Variants in POPDC3 observed in about 807,000 individuals in gnomAD.
POPDC3 encodes the protein popeye domain-containing protein 3.
Under a neutral mutation model 28.2 loss-of-function variants are expected in POPDC3, and 20 were observed. The ratio of observed to expected loss-of-function variants is 0.71; its 90% CI spans 0.50 to 1.03. POPDC3 has a LOEUF of 1.03. Ranked by LOEUF, POPDC3 falls within the 50% of genes least tolerant of loss-of-function variation. POPDC3 has a pLI of 0.00. For missense variants in POPDC3, 316 were observed against 345.9 expected, an observed-to-expected ratio of 0.91 and a Z score of 0.69; for synonymous variants, 118 against 124.1, an observed-to-expected ratio of 0.95 and a Z score of 0.33.
intron 1 of POPDC3, chr6:105,178,752 C>A: frequency 1.0e-6 from 1 of 985,002 alleles, no homozygotes; most frequent in Non-Finnish European, 1.2e-6. Context: ...TCTATTGTCA[C>A]AAAGAACAAT....
At chr6:105,166,000 C>G (rs1293879474) in intron 1 of POPDC3, among the ~76,000 whole-genome samples, 3 of 152,148 alleles carry the variant, frequency 2.0e-5, no homozygotes, top group African/African-American at 7.2e-5. Flanking sequence ...ACTATTATCT[C>G]CATTTTACAC....
chr6:105,158,938 T>C (rs1774259241), intron 3 of POPDC3, 187 bp from the exon 4 acceptor site: 1 of 457,630 alleles, frequency 2.2e-6, no homozygotes, highest in Non-Finnish European at 3.8e-6. Context: ...TAATTTATAA[T>C]ATGAATAATC....
At chr6:105,162,397 T>C (rs1774355566) in intron 1 of POPDC3, among the ~76,000 whole-genome samples, 2 of 152,214 alleles carry the variant, frequency 1.3e-5, no homozygotes, top group Non-Finnish European at 2.9e-5. Flanking sequence ...CTCGTCTCTA[T>C]GGGAGTGATT....
At chr6:105,158,914 C>T in intron 3 of POPDC3, 163 bp from the exon 4 acceptor site, 2 of 542,060 alleles carry the variant, frequency 3.7e-6, no homozygotes, top group Non-Finnish European at 3.2e-6. Context: ...CTACAAAATT[C>T]GTTACTACAT....
intron 1 of POPDC3, among the ~76,000 whole-genome samples, chr6:105,175,853 TAAAGAAAG>T (rs149915175): frequency 1.3e-5 from 2 of 151,452 alleles, no homozygotes; most frequent in African/African-American, 4.9e-5. Flanking sequence ...AAAAAATAAA[TAAAGAAAG>T]AAAGAATAAA....
At chr6:105,167,316 G>A (rs1774477745) in intron 1 of POPDC3, among the ~76,000 whole-genome samples, 1 of 152,168 alleles carries the variant, frequency 6.6e-6, no homozygotes, top group Admixed American at 6.5e-5. Context: ...AGGATAAGGG[G>A]TAGGATAAAG....
rs200302428 is a variant in POPDC3 at position 105,177,059 on chromosome 6, TA to T, written c.-252+2773del. 298 of 353,752 alleles carry T rather than the reference TA, an allele frequency of 8.4e-4. 1 individual carries two copies. Among genetic ancestry groups the T allele is most frequent in the East Asian group, 6.6e-4 (4 of 6,084 alleles). The allele number at this position is 353,752 out of a possible 1,614,324, so 21.9% of individuals were successfully genotyped here. On this transcript the variant is annotated intron_variant, in intron 1 of 3. Transcript: ENST00000254765. ...TAAAAAAATTTTAAATATAAACATTTAAAAAAATCCATGAACCCAACAACCA... is the reference window on the plus strand; with the variant it reads ...TAAAAAAATTTTAAATATAAACATTTAAAAAATCCATGAACCCAACAACCA...
At chr6:105,170,563 T>C (rs967342429) in intron 1 of POPDC3, among the ~76,000 whole-genome samples, 3 of 152,214 alleles carry the variant, frequency 2.0e-5, no homozygotes, top group Non-Finnish European at 2.9e-5. Flanking sequence ...ATTAGGACTC[T>C]TTTAGTAGAG....
intron 2 of POPDC3, among the ~76,000 whole-genome samples, chr6:105,160,310 C>T (rs976412642): frequency 1.3e-5 from 2 of 152,188 alleles, no homozygotes; most frequent in African/African-American, 2.4e-5. Context: ...CTCCCAGGTT[C>T]AAGCGATTCT....
chr6:105,179,533 G>A (rs928164118), intron 1 of POPDC3, among the ~76,000 whole-genome samples: 5 of 152,176 alleles, frequency 3.3e-5, no homozygotes, highest in African/African-American at 9.7e-5. Flanking sequence ...TAGGGCATAC[G>A]ACTCGCGTTC....
chr6:105,169,361 G>A (rs1774527727), intron 1 of POPDC3: 1 of 152,166 alleles, frequency 6.6e-6, no homozygotes, highest in Non-Finnish European at 1.5e-5. Flanking sequence ...GGTTCCCAGT[G>A]TCACTGAAGA....
intron 1 of POPDC3, among the ~76,000 whole-genome samples, chr6:105,172,359 G>A (rs1419910965): frequency 6.6e-6 from 1 of 151,228 alleles, no homozygotes; most frequent in Non-Finnish European, 1.5e-5. Flanking sequence ...AGTTAGAATG[G>A]CAATCATTAA....
intron 1 of POPDC3, among the ~76,000 whole-genome samples, chr6:105,174,890 C>G (rs1306631478): frequency 6.6e-6 from 1 of 152,150 alleles, no homozygotes; most frequent in African/African-American, 2.4e-5. Flanking sequence ...CTGAAATGGC[C>G]AGGCGTGGTG....
At chr6:105,173,359 C>T (rs1421520013) in intron 1 of POPDC3, among the ~76,000 whole-genome samples, 1 of 152,164 alleles carries the variant, frequency 6.6e-6, no homozygotes, top group East Asian at 1.9e-4. Context: ...TACTAGCTCT[C>T]CTTCATGCAT....
intron 2 of POPDC3, 185 bp from the exon 3 acceptor site, chr6:105,160,004 TATC>T (rs1774286276): frequency 4.2e-6 from 2 of 475,826 alleles, no homozygotes; most frequent in East Asian, 3.5e-5. Flanking sequence ...AGATTCATGT[TATC>T]ATGTTCCTTA....
At position 105,158,568 on chromosome 6, in the gene POPDC3, T is replaced by C. The variant is rs1365750176; in HGVS notation, c.778A>G (p.Ile260Val). Residue 260 changes from isoleucine to valine, a missense_variant, in exon 4 of 4, where the codon ATT becomes GTT. Transcript: ENST00000254765. Reference sequence around the variant, plus strand: ...ATTTGATAGAAGTTGGGTAGCCGAATATCATAGTGATATCTTTTTCCTATA... The same window carrying C: ...ATTTGATAGAAGTTGGGTAGCCGAACATCATAGTGATATCTTTTTCCTATA... ...VYIGKRYHYD[I>V]RLPNFYQMST... The C allele has an allele frequency of 6.2e-7, 1 of 1,614,182 alleles. No individual in the cohort carries two copies.
At chr6:105,176,228 C>CA (rs1382699894) in intron 1 of POPDC3, among the ~76,000 whole-genome samples, 1 of 152,164 alleles carries the variant, frequency 6.6e-6, no homozygotes, top group African/African-American at 2.4e-5. Context: ...AGGCAGCACT[C>CA]ACAACCAGAA....
chr6:105,162,593 G>A lies in POPDC3; in HGVS notation c.-251-433C>T, dbSNP rs558363722. On this transcript the variant is annotated intron_variant, in intron 1 of 3. Coordinates refer to ENST00000254765, the MANE Select transcript of POPDC3 (RefSeq NM_022361.5). The stretch of plus-strand genomic sequence containing the variant: ...CTAAAAATAGAAAAATTACCCAGGC[G>A]TGGTGGCGTGCGCCTGGGATCCCAG... Among the ~76,000 whole-genome samples the A allele has an allele frequency of 6.6e-5, 10 of 152,318 alleles. No individual in the cohort carries two copies. The South Asian group carries it at 8.3e-4, about 13-fold the overall frequency.
chr6:105,161,403 T>G (rs201022071), intron 2 of POPDC3, 22 bp downstream of exon 2: 1 of 1,596,978 alleles, frequency 6.3e-7, no homozygotes, highest in African/African-American at 1.3e-5. Context: ...AGGAAAGACA[T>G]GCAAGCACCA....
Sources: allele counts gnomAD v4.1 joint callset (sites outside exome capture counted in the v4.1 genomes callset), GRCh38; gene constraint gnomAD v4.1.1; transcripts MANE v1.5; gene names NCBI Gene and HGNC (gene_info 2026-07-23, HGNC 2026-07-21).